ZC3HAV1: variants seen among roughly 807,000 people sequenced by gnomAD.
ZC3HAV1 encodes zinc finger CCCH-type antiviral protein 1.
In ZC3HAV1, 41 loss-of-function variants were observed where a neutral mutation model predicts 86.6. The observed-to-expected ratio is 0.47, with a 90% CI of 0.37 to 0.61. The LOEUF (loss-of-function observed/expected upper bound fraction) is 0.61, where lower values mean the gene tolerates loss of function less well. Among genes scored for constraint, ZC3HAV1 ranks in the 20% least tolerant of loss-of-function variants. The pLI, the probability that ZC3HAV1 is intolerant of heterozygous loss-of-function variation, is 0.00. For synonymous variants in ZC3HAV1, 421 were observed against 432.1 expected, an observed-to-expected ratio of 0.97 and a Z score of 0.32; for missense variants, 964 against 1,141.1, an observed-to-expected ratio of 0.84 and a Z score of 2.24.
intron 1 of ZC3HAV1, among the ~76,000 whole-genome samples, chr7:139,100,978 G>A (rs1164903357): frequency 2.0e-5 from 3 of 152,190 alleles, no homozygotes; most frequent in Non-Finnish European, 4.4e-5. Flanking sequence ...GAGTGCCTGC[G>A]ATTGCAGGCG....
intron 2 of ZC3HAV1, among the ~76,000 whole-genome samples, chr7:139,089,078 C>T (rs908576760): frequency 2.5e-5 from 3 of 120,818 alleles, no homozygotes; most frequent in African/African-American, 9.7e-5. Flanking sequence ...CTCCAGCCTG[C>T]GCAACACAGC....
At chr7:139,100,191 T>G (rs1817709250) in intron 1 of ZC3HAV1, among the ~76,000 whole-genome samples, 2 of 151,254 alleles carry the variant, frequency 1.3e-5, no homozygotes, top group Non-Finnish European at 2.9e-5. Flanking sequence ...AAAAAATGAG[T>G]AATAAGACTT....
chr7:139,073,353 T>A (rs1424498841), intron 7 of ZC3HAV1, among the ~76,000 whole-genome samples: 1 of 152,028 alleles, frequency 6.6e-6, no homozygotes, highest in Non-Finnish European at 1.5e-5. Flanking sequence ...AATGTATGAC[T>A]GCAATTGGAG....
At chr7:139,101,477 C>A (rs1265575557) in intron 1 of ZC3HAV1, among the ~76,000 whole-genome samples, 36 of 105,310 alleles carry the variant, frequency 3.4e-4, no homozygotes, top group East Asian at 5.1e-4. Context: ...ATGTGAGGAG[C>A]GCCTCAGCCC....
intron 1 of ZC3HAV1, among the ~76,000 whole-genome samples, chr7:139,093,256 GA>G (rs1817483747): frequency 1.3e-5 from 2 of 152,114 alleles, no homozygotes; most frequent in African/African-American, 4.8e-5. Context: ...AAACAGATCT[GA>G]AACTTTTTCA....
intron 7 of ZC3HAV1, among the ~76,000 whole-genome samples, chr7:139,072,930 G>A (rs146312677): frequency 0.011 from 1,667 of 152,196 alleles, 28 homozygotes; most frequent in African/African-American, 0.038. Context: ...CTATCTCAAG[G>A]TTCCACCCTC....
rs958400849 is a variant in ZC3HAV1, at chr7:139,052,129, T to A, written c.2449+1322A>T. Among the ~76,000 whole-genome samples, 10 of 152,084 alleles carry A rather than the reference T, an allele frequency of 6.6e-5. 1 individual carries two copies. The highest frequency in any genetic ancestry group is 2.4e-4 in the African/African-American group (10 of 41,396). On this transcript the variant is annotated intron_variant, in intron 12 of 12. Transcript: ENST00000242351. ...ATATTTCTCTTTTTTTCTTTTTTTTTCATTTTATTGTTATTTTACTTTAAG... is the reference window on the plus strand; with the variant it reads ...ATATTTCTCTTTTTTTCTTTTTTTTACATTTTATTGTTATTTTACTTTAAG...
chr7:139,082,815 G>A (rs1817163291), intron 3 of ZC3HAV1, among the ~76,000 whole-genome samples: 1 of 152,056 alleles, frequency 6.6e-6, no homozygotes, highest in South Asian at 2.1e-4. Flanking sequence ...AGTTGCCAGG[G>A]GCTGGGGAAA....
intron 2 of ZC3HAV1, among the ~76,000 whole-genome samples, chr7:139,086,152 C>T (rs1326647602): frequency 6.6e-6 from 1 of 152,144 alleles, no homozygotes; most frequent in African/African-American, 2.4e-5. Flanking sequence ...CTGCCAAAGC[C>T]CTATGAAAAA....
chr7:139,080,492 C>T (rs984214667), intron 3 of ZC3HAV1, among the ~76,000 whole-genome samples: 5 of 152,048 alleles, frequency 3.3e-5, no homozygotes, highest in Non-Finnish European at 7.4e-5. Context: ...TGCAGTGGCC[C>T]GACCACAGCT....
Position 139,108,978 on chromosome 7 carries a change from C to T in ZC3HAV1, c.308+46G>A, listed in dbSNP as rs1360231809. On this transcript the variant is annotated intron_variant, in intron 1 of 12. Coordinates refer to ENST00000242351, the MANE Select transcript of ZC3HAV1 (RefSeq NM_020119.4). This position sits in a 1 kb window ranked among gnomAD's most constrained non-coding sequence, Gnocchi z 4.2. ...AACATTGCCCGCCTGGACAGTCCACCCCGACCACGGCTGCGGACAGCGCCC... is the reference window on the plus strand; with the variant it reads ...AACATTGCCCGCCTGGACAGTCCACTCCGACCACGGCTGCGGACAGCGCCC... 1 of 1,499,704 alleles carries T rather than the reference C, an allele frequency of 6.7e-7. No homozygotes were observed. The highest frequency in any genetic ancestry group is 2.5e-5 in the East Asian group (1 of 40,352). 92.9% of individuals were successfully genotyped at this position (1,499,704 alleles called of 1,614,324 possible). A position where few individuals can be genotyped will look rare whatever the true frequency, so the allele number is the denominator to read the frequency against.
At chr7:139,066,670 A>G (rs1816615818) in intron 7 of ZC3HAV1, among the ~76,000 whole-genome samples, 1 of 152,172 alleles carries the variant, frequency 6.6e-6, no homozygotes, top group Non-Finnish European at 1.5e-5. Context: ...GGTAAACCCT[A>G]TGCCTTCCTC....
chr7:139,092,950 C>T (rs964962701), intron 1 of ZC3HAV1, among the ~76,000 whole-genome samples: 1 of 152,220 alleles, frequency 6.6e-6, no homozygotes, highest in African/African-American at 2.4e-5. Flanking sequence ...TTCTCCCCAG[C>T]GGCTTCTTAG....
In ZC3HAV1 at chr7:139,079,318, CAT is replaced by C. The variant is rs1335954606; in HGVS notation, c.1471+150_1471+151del. On this transcript the variant is annotated intron_variant, in intron 4 of 12. Coordinates refer to ENST00000242351, the MANE Select transcript of ZC3HAV1 (RefSeq NM_020119.4). ...TCAGACTCTGACTTCCAGTACGTAA[CAT>C]ATCTTTTTCTGCCTTGACTGCCATT... 6.5e-6 allele frequency: 10 copies of C among 1,545,512 alleles called. No homozygotes were observed. In the Admixed American group the frequency reaches 1.2e-4, roughly 18 times the overall value.
intron 1 of ZC3HAV1, among the ~76,000 whole-genome samples, chr7:139,095,865 GGA>G (rs1480383059): frequency 6.6e-6 from 1 of 152,160 alleles, no homozygotes; most frequent in Non-Finnish European, 1.5e-5. Context: ...TCAGAAGGTA[GGA>G]GACGGGCATC....
intron 1 of ZC3HAV1, among the ~76,000 whole-genome samples, chr7:139,094,498 A>T (rs988997525): frequency 1.3e-5 from 1 of 75,462 alleles, no homozygotes; most frequent in African/African-American, 9.4e-5. Flanking sequence ...GTGATAACTT[A>T]AAAAAAAAAA....
At chr7:139,059,008 T>TAAAAAAA (rs71657780) in intron 9 of ZC3HAV1, among the ~76,000 whole-genome samples, 1 of 149,400 alleles carries the variant, frequency 6.7e-6, no homozygotes, top group Non-Finnish European at 1.5e-5. Flanking sequence ...ACCGGAACTT[T>TAAAAAAA]AAAAAAAAAA....
At chr7:139,050,311 T>A (rs1390768920) in intron 12 of ZC3HAV1, among the ~76,000 whole-genome samples, 2 of 152,204 alleles carry the variant, frequency 1.3e-5, no homozygotes, top group African/African-American at 2.4e-5. Context: ...TTTCTTTTTT[T>A]AAAATTCCCT....
At position 139,108,896 on chromosome 7, in the gene ZC3HAV1, T is replaced by C. The variant is rs1584880788; in HGVS notation, c.308+128A>G. 8.2e-7 allele frequency: 1 copy of C among 1,222,878 alleles called. No homozygotes were observed. Among genetic ancestry groups the C allele is most frequent in the South Asian group, 1.6e-5 (1 of 62,700 alleles). The allele number at this position is 1,222,878 out of a possible 1,614,324, so 75.8% of individuals were successfully genotyped here. A position where few individuals can be genotyped will look rare whatever the true frequency, so the allele number is the denominator to read the frequency against. ...TCCCAGAGGGGAGCAGAGAAGGGAG[T>C]GGCTGGAGGCGGAGGCTGTCAGGTG... On this transcript the variant is annotated intron_variant, in intron 1 of 12. Transcript: ENST00000242351. This position sits in a 1 kb window ranked among gnomAD's most constrained non-coding sequence, Gnocchi z 4.2.
Sources: gnomAD v4.1 joint callset for allele counts (sites outside exome capture counted in the v4.1 genomes callset) on GRCh38, gnomAD v4.1.1 for gene constraint, Gnocchi (gnomAD v3.1) non-coding constraint, MANE v1.5 for transcripts, NCBI Gene and HGNC (gene_info 2026-07-23, HGNC 2026-07-21) for gene names.